The following HMCN1 variants were observed in gnomAD, a reference collection of about 807,000 sequenced individuals.
HMCN1 encodes the protein hemicentin-1.
A neutral mutation model predicts 625.9 loss-of-function variants in HMCN1; 321 were observed. That is an observed-to-expected ratio of 0.51 (90% CI 0.47 to 0.56). The LOEUF (loss-of-function observed/expected upper bound fraction) is 0.56, where lower values mean the gene tolerates loss of function less well. HMCN1 is among the 20% of genes least tolerant of loss of function. HMCN1 has a pLI of 0.00. For missense variants in HMCN1, 6,588 were observed against 6,887.3 expected (o/e 0.96, Z 1.54); for synonymous variants, 2,425 against 2,417.6 (o/e 1.00, Z -0.09).
chr1:186,096,910 T>C (rs1476382353), intron 68 of HMCN1, among the ~76,000 whole-genome samples: 2 of 152,076 alleles, frequency 1.3e-5, no homozygotes, highest in Non-Finnish European at 2.9e-5. Context: ...TAAAGACTAT[T>C]TATGATAAAT....
At chr1:185,912,781 A>G (rs1666500469) in intron 6 of HMCN1, among the ~76,000 whole-genome samples, 2 of 152,034 alleles carry the variant, frequency 1.3e-5, no homozygotes, top group South Asian at 4.1e-4. Flanking sequence ...TTCCTGTATT[A>G]TCTCCTCTCT....
intron 12 of HMCN1, 111 bp from the exon 13 acceptor site, chr1:185,963,657 A>G: frequency 1.2e-6 from 1 of 826,618 alleles, no homozygotes; most frequent in East Asian, 2.6e-5. Flanking sequence ...ATCGACACCA[A>G]AAATATAACT....
At chr1:186,078,431 ACAAAC>A (rs1331133548) in intron 55 of HMCN1, among the ~76,000 whole-genome samples, 2 of 152,292 alleles carry the variant, frequency 1.3e-5, no homozygotes, top group African/African-American at 4.8e-5. Flanking sequence ...TTAAATGAAA[ACAAAC>A]AAACAAAAAG....
chr1:186,069,433 A>G (rs1658344513), intron 50 of HMCN1, among the ~76,000 whole-genome samples: 1 of 152,190 alleles, frequency 6.6e-6, no homozygotes, highest in Admixed American at 6.5e-5. Flanking sequence ...GCAGGTCTGA[A>G]TGAGCATGAG....
intron 6 of HMCN1, among the ~76,000 whole-genome samples, chr1:185,921,477 A>G (rs1297902595): frequency 6.6e-6 from 1 of 152,214 alleles, no homozygotes; most frequent in African/African-American, 2.4e-5. Flanking sequence ...GCTGTCCACC[A>G]GATTAAAATG....
intron 4 of HMCN1, among the ~76,000 whole-genome samples, chr1:185,869,997 A>G (rs748119621): frequency 9.9e-5 from 15 of 151,784 alleles, no homozygotes; most frequent in Non-Finnish European, 2.1e-4. Context: ...CTCTTGAGTT[A>G]AAGTGAAGTT....
At chr1:185,911,803 G>T in intron 6 of HMCN1, 23 bp downstream of exon 6, 1 of 1,542,962 alleles carries the variant, frequency 6.5e-7, no homozygotes, top group Non-Finnish European at 9.0e-7. Context: ...CACAAAGTTT[G>T]TTTATTGTTT....
intron 11 of HMCN1, among the ~76,000 whole-genome samples, chr1:185,960,406 G>A (rs1649932085): frequency 6.6e-6 from 1 of 152,130 alleles, no homozygotes; most frequent in Non-Finnish European, 1.5e-5. Flanking sequence ...TGGGATTACA[G>A]GCGTGAACCA....
At chr1:186,142,126 A>G (rs1294950059) in intron 89 of HMCN1, among the ~76,000 whole-genome samples, 1 of 152,092 alleles carries the variant, frequency 6.6e-6, no homozygotes, top group Non-Finnish European at 1.5e-5. Context: ...TAGTATCCAA[A>G]TTTATTTTTC....
chr1:186,035,157 C>T (rs1428290126), intron 36 of HMCN1, among the ~76,000 whole-genome samples: 1 of 151,958 alleles, frequency 6.6e-6, no homozygotes, highest in African/African-American at 2.4e-5. Flanking sequence ...GTCTTGTGTC[C>T]TTAAATATTG....
At chr1:186,074,249 CT>C (rs1185561613) in intron 52 of HMCN1, among the ~76,000 whole-genome samples, 1 of 151,734 alleles carries the variant, frequency 6.6e-6, no homozygotes, top group East Asian at 1.9e-4. Flanking sequence ...ATATAAATAT[CT>C]TTAGGTTAAA....
chr1:185,764,355 G>T (rs769849359), intron 1 of HMCN1, among the ~76,000 whole-genome samples: 12 of 152,112 alleles, frequency 7.9e-5, no homozygotes, highest in Admixed American at 6.5e-4. Context: ...AGAAGTTAGG[G>T]TTATAGTGGT....
chr1:185,902,645 C>T (rs1247274733), intron 4 of HMCN1, among the ~76,000 whole-genome samples: 1 of 151,552 alleles, frequency 6.6e-6, no homozygotes, highest in Non-Finnish European at 1.5e-5. Context: ...GAGAAAGAGT[C>T]AGGGCTAGTA....
Position 185,846,196 on chromosome 1 carries a change from T to C in HMCN1, c.339+100T>C, listed in dbSNP as rs1661802959. The C allele has an allele frequency of 7.8e-6, 7 of 901,920 alleles. No individual in the cohort carries two copies. The South Asian group carries it at 9.9e-5, about 13-fold the overall frequency. The allele number at this position is 901,920 out of a possible 1,614,324, so 55.9% of individuals were successfully genotyped here. A position where few individuals can be genotyped will look rare whatever the true frequency, so the allele number is the denominator to read the frequency against. On this transcript the variant is annotated intron_variant, in intron 2 of 106. Coordinates refer to ENST00000271588, the MANE Select transcript of HMCN1 (RefSeq NM_031935.3). ...AAATCTAAAAGACATAGTTGTTGGC[T>C]TTTTAAGGGACCCAATAATTGCCAC...
intron 11 of HMCN1, among the ~76,000 whole-genome samples, chr1:185,949,644 T>A (rs960909543): frequency 4.0e-5 from 6 of 151,828 alleles, no homozygotes; most frequent in African/African-American, 1.5e-4. Flanking sequence ...TGTATTGAGG[T>A]GGGAAGGCTA....
chr1:186,125,826 A>G (rs1661614653), intron 82 of HMCN1, 32 bp downstream of exon 82: 7 of 1,538,010 alleles, frequency 4.6e-6, no homozygotes, highest in Non-Finnish European at 6.3e-6. Flanking sequence ...AGATACATTA[A>G]GCCAGATTGT....
chr1:185,821,949 A>G (rs115452167), intron 1 of HMCN1, among the ~76,000 whole-genome samples: 4,858 of 152,086 alleles, frequency 0.032, 228 homozygotes, highest in African/African-American at 0.11. Flanking sequence ...GCTAAGTGAA[A>G]GAAGCCAATC....
rs1170529918 is a variant in HMCN1 at position 186,024,908 on chromosome 1, T to C, written c.5749+1755T>C. ...CCCACAGACTAGGGAGAGGGATGGT[T>C]TCAGGATTATTCAAGTCCATGACAT... On this transcript the variant is annotated intron_variant, in intron 36 of 106. Coordinates refer to ENST00000271588, the MANE Select transcript of HMCN1 (RefSeq NM_031935.3). 2.0e-5 allele frequency among the ~76,000 whole-genome samples: 3 copies of C among 152,194 alleles called. No homozygotes were observed. In the East Asian group the frequency reaches 5.8e-4, roughly 29 times the overall value.
chr1:185,871,609 T>G (rs1323599595), intron 4 of HMCN1, among the ~76,000 whole-genome samples: 3 of 152,144 alleles, frequency 2.0e-5, no homozygotes, highest in African/African-American at 7.2e-5. Context: ...TCAAAGGAAA[T>G]AAACTGAACC....
Sources: allele counts gnomAD v4.1 joint callset (sites outside exome capture counted in the v4.1 genomes callset), GRCh38; gene constraint gnomAD v4.1.1; transcripts MANE v1.5; gene names NCBI Gene and HGNC (gene_info 2026-07-23, HGNC 2026-07-21).